Variants in ANO5 observed in about 807,000 individuals in gnomAD.
ANO5 encodes anoctamin-5.
A neutral mutation model predicts 121.0 loss-of-function variants in ANO5; 109 were observed. The ratio of observed to expected loss-of-function variants is 0.90; its 90% CI spans 0.77 to 1.06. The LOEUF (loss-of-function observed/expected upper bound fraction) is 1.06, where lower values mean the gene tolerates loss of function less well. Ranked by LOEUF, ANO5 falls within the 50% of genes least tolerant of loss-of-function variation. The pLI, the probability that ANO5 is intolerant of heterozygous loss-of-function variation, is 0.00. For synonymous variants in ANO5, 406 were observed against 359.9 expected, an observed-to-expected ratio of 1.13 and a Z score of -1.45; for missense variants, 1,064 against 1,078.5, an observed-to-expected ratio of 0.99 and a Z score of 0.19.
Position 22,272,887 on chromosome 11 carries a change from A to G in ANO5, c.2133A>G (p.Lys711=), listed in dbSNP as rs773247663. The G allele has an allele frequency of 1.2e-6, 2 of 1,614,056 alleles. No individual in the cohort carries two copies. Among genetic ancestry groups the G allele is most frequent in the East Asian group, 2.2e-5 (1 of 44,874 alleles). Residue 711 remains lysine, a synonymous_variant, in exon 19 of 22, where the codon AAA becomes AAG. Transcript: ENST00000324559. The stretch of plus-strand genomic sequence containing the variant: ...TAGAGATTCGAGTGGATGCCTGGAA[A>G]CTTACCACTCAATACAGGAGAACTG... ...NIVEIRVDAW[K]LTTQYRRTVA...
intron 2 of ANO5, among the ~76,000 whole-genome samples, chr11:22,206,397 A>C (rs1212577340): frequency 2.0e-5 from 3 of 151,948 alleles, no homozygotes; most frequent in Non-Finnish European, 4.4e-5. Flanking sequence ...GCTCACTGCA[A>C]CCTCCACCTC....
chr11:22,203,949 C>G, intron 2 of ANO5, 99 bp downstream of exon 2: 10 of 716,636 alleles, frequency 1.4e-5, no homozygotes, highest in Non-Finnish European at 2.1e-5. Context: ...ATAATACATT[C>G]TATTATGCCC....
chr11:22,218,411 C>T (rs1852535015), intron 4 of ANO5, 124 bp downstream of exon 4: 1 of 1,263,904 alleles, frequency 7.9e-7, no homozygotes, highest in African/African-American at 1.5e-5. Flanking sequence ...AGTCCCCAGG[C>T]AACTGAAGTT....
chr11:22,193,563 A>G lies in ANO5; in HGVS notation c.40+31A>G, dbSNP rs1484644416. On this transcript the variant is annotated intron_variant, in intron 1 of 21. Coordinates refer to ENST00000324559, the MANE Select transcript of ANO5 (RefSeq NM_213599.3). The stretch of plus-strand genomic sequence containing the variant: ...ACCGCGCCAAGAGGCGTCAAGGGAG[A>G]GCCAGGCTGGCTGCCTGCACCCCTC... 5 of 1,608,402 alleles carry G rather than the reference A, an allele frequency of 3.1e-6. No homozygotes were observed. The African/African-American group carries it at 6.7e-5, about 21-fold the overall frequency.
intron 12 of ANO5, among the ~76,000 whole-genome samples, chr11:22,252,071 C>T: frequency 8.2e-6 from 1 of 122,518 alleles, no homozygotes; most frequent in South Asian, 2.8e-4. Flanking sequence ...TAGGCAAGGG[C>T]TGCATTATCC....
chr11:22,226,108 T>G (rs1367717367), intron 6 of ANO5, 56 bp downstream of exon 6: 1 of 1,424,834 alleles, frequency 7.0e-7, no homozygotes, highest in Admixed American at 1.7e-5. Flanking sequence ...TGTTTTCTCC[T>G]ACTCTGGCCT....
chr11:22,228,794 A>G (rs1179454512), intron 7 of ANO5, among the ~76,000 whole-genome samples: 2 of 151,970 alleles, frequency 1.3e-5, no homozygotes, highest in East Asian at 1.9e-4. Context: ...GTCACAAATG[A>G]CAACATTTCA....
intron 2 of ANO5, 65 bp downstream of exon 2, chr11:22,203,915 C>A: frequency 9.0e-7 from 1 of 1,114,164 alleles, no homozygotes; most frequent in Non-Finnish European, 1.3e-6. Flanking sequence ...ATAAGGTTAA[C>A]TAAGCCTTTG....
In ANO5 at chr11:22,276,182, T is replaced by G. The variant is rs374725506; in HGVS notation, c.2503T>G (p.Phe835Val). 4 of 1,609,420 alleles carry G rather than the reference T, an allele frequency of 2.5e-6. No homozygotes were observed. In the African/African-American group the frequency reaches 5.3e-5, roughly 22 times the overall value. Residue 835 changes from phenylalanine (F) to valine (V), a missense_variant, in exon 21 of 22, where the codon TTC becomes GTC. Physicochemically the swap from Phe to Val is conservative, Grantham distance 50 (BLOSUM62 -1). Transcript: ENST00000324559. ...GCATGTCCTTGCTGCCAAGATGACC[T>G]TCATCATTGTTATGGAAGTAAGCTG... ...FWHVLAAKMT[F>V]IIVMEHVVFL...
Position 22,257,795 on chromosome 11 carries a change from G to A in ANO5, c.1407+41G>A, listed in dbSNP as rs775143854. 1.8e-5 allele frequency: 27 copies of A among 1,498,766 alleles called. No homozygotes were observed. The East Asian group carries it at 5.4e-4, about 30-fold the overall frequency. The allele number at this position is 1,498,766 out of a possible 1,614,324, so 92.8% of individuals were successfully genotyped here. ...AAAATTGCTATAATTTCTTCAACAG[G>A]TGATTAAATGAGCTATCTCAACAGT... On this transcript the variant is annotated intron_variant, in intron 14 of 21. Transcript: ENST00000324559.
chr11:22,237,522 C>T (rs1299526458), intron 8 of ANO5, among the ~76,000 whole-genome samples: 1 of 152,148 alleles, frequency 6.6e-6, no homozygotes, highest in African/African-American at 2.4e-5. Context: ...TCCTGAGTAG[C>T]TGGGATTACA....
At chr11:22,237,645 G>A (rs114587572) in intron 8 of ANO5, among the ~76,000 whole-genome samples, 4,235 of 152,110 alleles carry the variant, frequency 0.028, 187 homozygotes, top group African/African-American at 0.096. Flanking sequence ...TTATTCAGTA[G>A]TATGAGAATT....
At chr11:22,221,685 A>G in intron 5 of ANO5, among the ~76,000 whole-genome samples, 1 of 151,902 alleles carries the variant, frequency 6.6e-6, no homozygotes, top group East Asian at 1.9e-4. Flanking sequence ...CAACACTATA[A>G]ATTAAGTTTA....
intron 2 of ANO5, among the ~76,000 whole-genome samples, chr11:22,205,183 C>G (rs1181051652): frequency 6.6e-6 from 1 of 151,936 alleles, no homozygotes; most frequent in African/African-American, 2.4e-5. Context: ...ACATCACACG[C>G]TGGGGCCTTT....
intron 6 of ANO5, among the ~76,000 whole-genome samples, chr11:22,226,945 G>T (rs1024687931): frequency 6.6e-6 from 1 of 152,082 alleles, no homozygotes; most frequent in Non-Finnish European, 1.5e-5. Flanking sequence ...CTTATAGCTA[G>T]TTACTAAAAA....
chr11:22,240,056 A>G (rs1479632209), intron 9 of ANO5, among the ~76,000 whole-genome samples: 1 of 152,086 alleles, frequency 6.6e-6, no homozygotes, highest in African/African-American at 2.4e-5. Context: ...TAAAACGGGA[A>G]TAGCAATATT....
intron 21 of ANO5, among the ~76,000 whole-genome samples, chr11:22,278,770 G>T (rs1403412114): frequency 1.3e-5 from 2 of 151,568 alleles, no homozygotes; most frequent in African/African-American, 4.8e-5. Context: ...CCCAGAGAAA[G>T]CCCTTTATAG....
rs1177606947 is a variant in ANO5, at chr11:22,270,388, C to A, written c.1975C>A (p.His659Asn). 1.2e-6 allele frequency: 2 copies of A among 1,614,164 alleles called. No homozygotes were observed. Among genetic ancestry groups the A allele is most frequent in the East Asian group, 2.2e-5 (1 of 44,876 alleles). ...EKLYSRWEQD[H>N]DLESFGPLGL... is the part of the protein sequence containing the mutation. ...GCTGTATAGTCGATGGGAGCAGGAT[C>A]ATGACCTTGAAAGTTTTGGACCCCT... The change falls in exon 18 of 22, where the codon CAT becomes AAT. Residue 659 changes from histidine (H) to asparagine (N), a missense_variant. Transcript: ENST00000324559.
intron 14 of ANO5, among the ~76,000 whole-genome samples, chr11:22,259,285 C>T (rs541098648): frequency 2.0e-5 from 3 of 152,132 alleles, no homozygotes; most frequent in South Asian, 4.1e-4. Flanking sequence ...GCAATGAATA[C>T]GTTTCTCTTT....
Sources: allele counts gnomAD v4.1 joint callset (sites outside exome capture counted in the v4.1 genomes callset), GRCh38; gene constraint gnomAD v4.1.1; transcripts MANE v1.5; gene names NCBI Gene and HGNC (gene_info 2026-07-23, HGNC 2026-07-21).